TENT5D: variants seen among roughly 807,000 people sequenced by gnomAD.
The protein encoded by TENT5D is terminal nucleotidyltransferase 5D.
For synonymous variants in TENT5D, 103 were observed against 100.6 expected, an observed-to-expected ratio of 1.02 and a Z score of -0.15; for missense variants, 191 against 287.0, an observed-to-expected ratio of 0.67 and a Z score of 2.42.
intron 2 of TENT5D, among the ~76,000 whole-genome samples, chrX:80,439,226 T>G (rs1932236121): frequency 8.9e-6 from 1 of 111,752 alleles, no homozygotes; most frequent in African/African-American, 3.2e-5. Context: ...GTTTCTGCCT[T>G]GAATTTGGAA....
At chrX:80,389,655 T>C (rs1362699028) in intron 3 of TENT5D, among the ~76,000 whole-genome samples, 1 of 112,212 alleles carries the variant, frequency 8.9e-6, no homozygotes, top group Non-Finnish European at 1.9e-5. Flanking sequence ...GAAGAAATTG[T>C]TTAGAAGACG....
intron 3 of TENT5D, among the ~76,000 whole-genome samples, chrX:80,347,889 G>A (rs1425269597): frequency 4.5e-5 from 5 of 111,952 alleles, no homozygotes; most frequent in African/African-American, 6.5e-5. Context: ...TTTTCTGCAT[G>A]TGGCTAGCCA....
At chrX:80,343,523 G>A (rs766291993) in intron 3 of TENT5D, among the ~76,000 whole-genome samples, 2 of 107,101 alleles carry the variant, frequency 1.9e-5, no homozygotes, top group Non-Finnish European at 3.8e-5. Flanking sequence ...TCAACCTCCC[G>A]AGTAGCTGGG....
At chrX:80,368,041 A>G (rs1170351574) in intron 3 of TENT5D, among the ~76,000 whole-genome samples, 3 of 111,958 alleles carry the variant, frequency 2.7e-5, no homozygotes, top group Non-Finnish European at 5.6e-5. Flanking sequence ...GAAGATAGAT[A>G]TCCCATTTAT....
At chrX:80,360,879 T>C (rs897857649) in intron 3 of TENT5D, among the ~76,000 whole-genome samples, 1 of 112,115 alleles carries the variant, frequency 8.9e-6, no homozygotes, top group African/African-American at 3.2e-5. Context: ...CTTAAGGTTT[T>C]TTAGATGAGA....
Position 80,367,509 on chromosome X carries a change from G to A in TENT5D, c.-142+24945G>A, listed in dbSNP as rs1173372261. ...CTGCTTGGTATATGCCAATAAGAAC[G>A]GAAATCAGTATACAGAAGGGATATC... On this transcript the variant is annotated intron_variant, in intron 3 of 4. Transcript: ENST00000538312. 2.7e-5 allele frequency among the ~76,000 whole-genome samples: 3 copies of A among 111,124 alleles called. No individual in the cohort carries two copies. In the Admixed American group the frequency reaches 2.9e-4, roughly 11 times the overall value.
At chrX:80,357,517 G>C (rs1016645813) in intron 3 of TENT5D, among the ~76,000 whole-genome samples, 1 of 110,828 alleles carries the variant, frequency 9.0e-6, no homozygotes, top group African/African-American at 3.3e-5. Context: ...GGCCAGTGAT[G>C]ATGAGCATTT....
chrX:80,414,960 GA>G (rs1296755915), intron 3 of TENT5D, among the ~76,000 whole-genome samples: 1 of 111,413 alleles, frequency 9.0e-6, no homozygotes, highest in Admixed American at 9.5e-5. Flanking sequence ...TATTATGTCT[GA>G]TATTTTTATC....
intron 3 of TENT5D, among the ~76,000 whole-genome samples, chrX:80,384,080 A>C (rs1254114309): frequency 4.0e-4 from 43 of 108,177 alleles, no homozygotes; most frequent in Admixed American, 2.2e-3. Context: ...TTTATGAGGC[A>C]AGCATCATCC....
chrX:80,384,812 A>G (rs1415005342), intron 3 of TENT5D, among the ~76,000 whole-genome samples: 1 of 108,335 alleles, frequency 9.2e-6, no homozygotes, highest in Non-Finnish European at 1.9e-5. Flanking sequence ...TCATGAGTGA[A>G]CTCCCATTCA....
intron 3 of TENT5D, among the ~76,000 whole-genome samples, chrX:80,409,679 A>T (rs1274167908): frequency 9.0e-6 from 1 of 110,921 alleles, no homozygotes; most frequent in Non-Finnish European, 1.9e-5. Context: ...GCCCAAGGTA[A>T]CTTACAGATT....
At chrX:80,405,948 C>G (rs1456998973) in intron 3 of TENT5D, among the ~76,000 whole-genome samples, 1 of 109,415 alleles carries the variant, frequency 9.1e-6, no homozygotes, top group Non-Finnish European at 1.9e-5. Context: ...GACCCCTGAC[C>G]CCCGAGCAGC....
chrX:80,401,835 T>C (rs1209213982), intron 3 of TENT5D, among the ~76,000 whole-genome samples: 1 of 112,378 alleles, frequency 8.9e-6, no homozygotes, highest in Non-Finnish European at 1.9e-5. Flanking sequence ...TTAAACTATG[T>C]TAATCAAGAA....
chrX:80,367,158 C>G (rs761509949), intron 3 of TENT5D, among the ~76,000 whole-genome samples: 10 of 111,562 alleles, frequency 9.0e-5, no homozygotes, highest in African/African-American at 2.9e-4. Flanking sequence ...CACTTCATGT[C>G]TTACTAATCA....
At chrX:80,370,329 T>G (rs17328472) in intron 3 of TENT5D, among the ~76,000 whole-genome samples, 2,078 of 111,519 alleles carry the variant, frequency 0.019, 21 homozygotes, top group Middle Eastern at 0.028. Flanking sequence ...CAATTAAACC[T>G]TGAGTGGATC....
At chrX:80,365,810 C>T (rs1300979038) in intron 3 of TENT5D, among the ~76,000 whole-genome samples, 1 of 107,824 alleles carries the variant, frequency 9.3e-6, no homozygotes, top group Non-Finnish European at 1.9e-5. Flanking sequence ...CACTGCACTC[C>T]AGCCTGGGGG....
intron 3 of TENT5D, among the ~76,000 whole-genome samples, chrX:80,361,842 CTTTTA>C (rs1234143212): frequency 9.0e-6 from 1 of 111,573 alleles, no homozygotes; most frequent in Admixed American, 9.5e-5. Context: ...TAAATTTCAA[CTTTTA>C]TTTTAGATTC....
At chrX:80,418,638 T>C (rs1931825273), upstream of TENT5D, among the ~76,000 whole-genome samples, 1 of 111,944 alleles carries the variant, frequency 8.9e-6, no homozygotes, top group Admixed American at 9.5e-5. Context: ...ACTTGTACTA[T>C]CTTTGTTATT....
intron 3 of TENT5D, among the ~76,000 whole-genome samples, chrX:80,360,081 G>A (rs1439090131): frequency 1.8e-5 from 2 of 111,744 alleles, no homozygotes; most frequent in East Asian, 5.6e-4. Flanking sequence ...AATCAGATGA[G>A]CGAGATTGAG....
Sources: gnomAD v4.1 joint callset for allele counts (sites outside exome capture counted in the v4.1 genomes callset) on GRCh38, gnomAD v4.1.1 for gene constraint, MANE v1.5 for transcripts, NCBI Gene and HGNC (gene_info 2026-07-23, HGNC 2026-07-21) for gene names.